LONP1: variants seen among roughly 807,000 people sequenced by gnomAD.
LONP1 encodes the protein lon peptidase 1, mitochondrial, also known as lon protease homolog, mitochondrial.
Under a neutral mutation model 98.5 loss-of-function variants are expected in LONP1, and 31 were observed. That is an observed-to-expected ratio of 0.31 (90% confidence interval 0.24 to 0.42). The LOEUF (loss-of-function observed/expected upper bound fraction) is 0.42, where lower values mean the gene tolerates loss of function less well. Ranked by LOEUF, LONP1 falls within the 20% of genes least tolerant of loss-of-function variation. LONP1 has a pLI of 1.00. For synonymous variants in LONP1, 781 were observed against 594.7 expected, an observed-to-expected ratio of 1.31 and a Z score of -4.56; for missense variants, 1,336 against 1,350.6, an observed-to-expected ratio of 0.99 and a Z score of 0.17.
chr19:5,694,854 G>A lies in LONP1; in HGVS notation c.2061C>T (p.Ser687=), dbSNP rs570360901. 3.7e-6 allele frequency: 6 copies of A among 1,603,214 alleles called. No homozygotes were observed. The African/African-American group carries it at 4.0e-5, about 11-fold the overall frequency. The change falls in exon 14 of 18, where the codon AGC becomes AGT. Residue 687 remains serine (S), a synonymous_variant. Transcript: ENST00000360614. ...GCACGTCCGATGACAGCTTGGCCTT[G>A]CTCTCATCCAAGCCACACAGGGCGC... The part of the protein sequence containing the change: ...QARALCGLDE[S]KAKLSSDVLT...
At chr19:5,694,613 G>A in intron 14 of LONP1, 61 bp from the exon 15 acceptor site, 1 of 1,484,840 alleles carries the variant, frequency 6.7e-7, no homozygotes, top group South Asian at 1.2e-5. Context: ...CGGGGTGGTG[G>A]GGTGACGGGC....
chr19:5,692,194 C>A lies in LONP1; in HGVS notation c.2718G>T (p.Gly906=). The change falls in exon 18 of 18, where the codon GGG becomes GGT. Residue 906 remains glycine (G), a synonymous_variant. Coordinates refer to ENST00000360614, the MANE Select transcript of LONP1 (RefSeq NM_004793.4). ...KEKTIAAKRA[G]VTCIVLPAEN... ...CGGCTGGCAGGACGATGCACGTCAC[C>A]CCTGCGCGCTTGGCCTGGGGGCAGA... 1 of 1,612,916 alleles carries A rather than the reference C, an allele frequency of 6.2e-7. No homozygotes were observed.
At chr19:5,710,162 C>T (rs1176705898) in intron 4 of LONP1, among the ~76,000 whole-genome samples, 1 of 151,086 alleles carries the variant, frequency 6.6e-6, no homozygotes, top group Non-Finnish European at 1.5e-5. Flanking sequence ...CGGCTCACCG[C>T]AACCTCTGCC....
At chr19:5,700,959 G>A (rs780430138) in intron 8 of LONP1, 32 bp from the exon 9 acceptor site, 1 of 1,613,178 alleles carries the variant, frequency 6.2e-7, no homozygotes, top group Non-Finnish European at 8.5e-7. Flanking sequence ...GATGCTGAGT[G>A]GAGCTCACGA....
chr19:5,703,355 C>T (rs2055091337), intron 8 of LONP1, among the ~76,000 whole-genome samples: 1 of 152,064 alleles, frequency 6.6e-6, no homozygotes, highest in Admixed American at 6.6e-5. Context: ...GAAAATGGGA[C>T]AAGGCCTGAC....
rs1209297936 is a variant in LONP1, at chr19:5,708,336, G to A, written c.932+6C>T. 6.3e-7 allele frequency: 1 copy of A among 1,585,318 alleles called. No homozygotes were observed. The highest frequency in any genetic ancestry group is 2.3e-5 in the East Asian group (1 of 44,406). On this transcript the variant is annotated splice_donor_region_variant and intron_variant, in intron 5 of 17. Coordinates refer to ENST00000360614, the MANE Select transcript of LONP1 (RefSeq NM_004793.4). ...CGCCTGGCCAGCTGCCCGCACAGAG[G>A]CCCACCTGTAGAGAGGGTTCAAGGC...
rs750907217 is a variant in LONP1, at chr19:5,711,747, G to A, written c.870+24C>T. 1.6e-5 allele frequency: 25 copies of A among 1,580,486 alleles called. No individual in the cohort carries two copies. In the Admixed American group the frequency reaches 2.2e-4, roughly 14 times the overall value. ...GCCCGTGGGGGAGGCAGCTGTGGCCGCCCTGCGTGACGCACGGACTCACTT... is the reference window on the plus strand; with the variant it reads ...GCCCGTGGGGGAGGCAGCTGTGGCCACCCTGCGTGACGCACGGACTCACTT... On this transcript the variant is annotated intron_variant, in intron 4 of 17. Transcript: ENST00000360614.
chr19:5,697,328 G>A (rs183777436), intron 10 of LONP1, among the ~76,000 whole-genome samples: 11 of 152,032 alleles, frequency 7.2e-5, no homozygotes, highest in African/African-American at 2.7e-4. Context: ...GTGTGCAGGG[G>A]GGTAAGGAGT....
At chr19:5,712,975 A>G (rs2055260620) in intron 3 of LONP1, among the ~76,000 whole-genome samples, 159 bp downstream of exon 3, 1 of 152,136 alleles carries the variant, frequency 6.6e-6, no homozygotes, top group African/African-American at 2.4e-5. Flanking sequence ...CAGAGGTGAC[A>G]TGTCTCACTC....
chr19:5,702,621 G>T (rs2055074726), intron 8 of LONP1, among the ~76,000 whole-genome samples: 1 of 152,230 alleles, frequency 6.6e-6, no homozygotes, highest in Non-Finnish European at 1.5e-5. Context: ...TGGTTGCCGT[G>T]TCTGTGTAGA....
intron 8 of LONP1, among the ~76,000 whole-genome samples, chr19:5,704,531 C>T (rs904264425): frequency 2.0e-5 from 3 of 152,200 alleles, no homozygotes; most frequent in Non-Finnish European, 2.9e-5. Context: ...CGCTGTCCTA[C>T]GGCCTGCCCA....
At chr19:5,708,127 C>T (rs1184138907) in intron 5 of LONP1, 1 of 616,660 alleles carries the variant, frequency 1.6e-6, no homozygotes. Flanking sequence ...CCGGCCTCAG[C>T]AGAAGGGGAC....
upstream of LONP1, chr19:5,720,315 C>G: frequency 4.5e-6 from 4 of 883,910 alleles, no homozygotes; most frequent in Non-Finnish European, 6.4e-6. Context: ...TCCGCCTCTT[C>G]CGGTCTCCCA....
rs748290015 is a variant in LONP1, at chr19:5,708,376, T to G, written c.898A>C (p.Ile300Leu). The change falls in exon 5 of 18, where the codon ATC becomes CTC. Residue 300 changes from isoleucine to leucine, a missense_variant. Physicochemically the swap from Ile to Leu is conservative, Grantham distance 5. Around this residue, in one of 5 missense-constraint regions of LONP1, gnomAD observed 97 missense variants for 139.0 expected, o/e 0.70. Transcript: ENST00000360614. Reference sequence around the variant, plus strand: ...GGGTTCAAGGCAATGATGTCCCGGATGGTCTTCACGATCTCTGCAGTCAGG... The same window carrying G: ...GGGTTCAAGGCAATGATGTCCCGGAGGGTCTTCACGATCTCTGCAGTCAGG... Reference protein sequence around the residue: ...KALTAEIVKTIRDIIALNPLY... With the variant: ...KALTAEIVKTLRDIIALNPLY... 46 of 1,365,686 alleles carry G rather than the reference T, an allele frequency of 3.4e-5. No individual in the cohort carries two copies. Among genetic ancestry groups the G allele is most frequent in the Non-Finnish European group, 4.3e-5 (44 of 1,020,780 alleles). 84.6% of individuals were successfully genotyped at this position (1,365,686 alleles called of 1,614,324 possible).
At chr19:5,703,905 C>G (rs1206847010) in intron 8 of LONP1, among the ~76,000 whole-genome samples, 1 of 152,204 alleles carries the variant, frequency 6.6e-6, no homozygotes, top group Admixed American at 6.5e-5. Context: ...AAGGCCCGGT[C>G]TGAGCAGGTA....
intron 8 of LONP1, among the ~76,000 whole-genome samples, chr19:5,703,693 T>C (rs1568320285): frequency 6.7e-6 from 1 of 149,458 alleles, no homozygotes; most frequent in South Asian, 2.1e-4. Flanking sequence ...ACACATGAAG[T>C]CACTGTGGAA....
intron 8 of LONP1, 84 bp downstream of exon 8, chr19:5,705,688 C>A: frequency 7.9e-7 from 1 of 1,267,548 alleles, no homozygotes; most frequent in Non-Finnish European, 1.1e-6. Flanking sequence ...CCACGGGGCT[C>A]CCCGCTGGGT....
At chr19:5,694,657 T>G (rs1599445316) in intron 14 of LONP1, 104 bp downstream of exon 14, 3 of 1,558,636 alleles carry the variant, frequency 1.9e-6, no homozygotes, top group Non-Finnish European at 1.7e-6. Context: ...GGTGGTGGGG[T>G]GATGGGCGCA....
upstream of LONP1, chr19:5,720,226 G>C (rs940036566): frequency 3.6e-6 from 5 of 1,380,162 alleles, no homozygotes; most frequent in Non-Finnish European, 4.7e-6. Context: ...TACCCGATGG[G>C]CGCGTGGCTC....
Sources: allele counts gnomAD v4.1 joint callset (sites outside exome capture counted in the v4.1 genomes callset), GRCh38; gene constraint gnomAD v4.1.1; regional missense constraint gnomAD v4.1.1; transcripts MANE v1.5; gene names NCBI Gene and HGNC (gene_info 2026-07-23, HGNC 2026-07-21).